The following BTBD9 variants were observed in gnomAD, a reference collection of about 807,000 sequenced individuals.
BTBD9 encodes the protein BTB/POZ domain-containing protein 9.
In BTBD9, 49 loss-of-function variants were observed where a neutral mutation model predicts 64.3. The ratio of observed to expected loss-of-function variants is 0.76; its 90% CI spans 0.61 to 0.97. BTBD9 has a LOEUF of 0.97. Among genes scored for constraint, BTBD9 ranks in the 50% least tolerant of loss-of-function variants. BTBD9 has a pLI of 0.00. For missense variants in BTBD9, 598 were observed against 762.1 expected, an observed-to-expected ratio of 0.78 and a Z score of 2.53; for synonymous variants, 260 against 274.7, an observed-to-expected ratio of 0.95 and a Z score of 0.53.
chr6:38,220,351 T>C (rs1763159064), intron 9 of BTBD9, among the ~76,000 whole-genome samples: 1 of 152,248 alleles, frequency 6.6e-6, no homozygotes, highest in Non-Finnish European at 1.5e-5. Context: ...AGCTACTGAT[T>C]CACTTTGGCA....
intron 6 of BTBD9, among the ~76,000 whole-genome samples, chr6:38,352,409 T>C (rs1362717537): frequency 6.6e-6 from 1 of 150,988 alleles, no homozygotes; most frequent in African/African-American, 2.4e-5. Flanking sequence ...TACTAAATAA[T>C]GCTAAGCCCC....
At chr6:38,223,566 G>A (rs150964367) in intron 9 of BTBD9, among the ~76,000 whole-genome samples, 23 of 152,146 alleles carry the variant, frequency 1.5e-4, no homozygotes, top group African/African-American at 3.4e-4. Flanking sequence ...TCGAATTCCC[G>A]GCCTCGAGTG....
intron 6 of BTBD9, among the ~76,000 whole-genome samples, chr6:38,369,586 C>T (rs1166808990): frequency 6.6e-6 from 1 of 152,162 alleles, no homozygotes; most frequent in Non-Finnish European, 1.5e-5. Context: ...CTCTCGTGAA[C>T]AAAACTTCTC....
At chr6:38,347,690 G>A (rs1764337446) in intron 6 of BTBD9, among the ~76,000 whole-genome samples, 1 of 152,166 alleles carries the variant, frequency 6.6e-6, no homozygotes, top group Admixed American at 6.5e-5. Flanking sequence ...ACTGGTAGGA[G>A]CAGCCTGAAG....
chr6:38,416,473 T>C (rs1388122814), intron 6 of BTBD9, among the ~76,000 whole-genome samples: 1 of 149,984 alleles, frequency 6.7e-6, no homozygotes, highest in Non-Finnish European at 1.5e-5. Flanking sequence ...TATCTGGGAC[T>C]ACAGGTGCCC....
intron 6 of BTBD9, among the ~76,000 whole-genome samples, chr6:38,372,897 C>G (rs959845106): frequency 3.3e-5 from 5 of 152,176 alleles, no homozygotes; most frequent in African/African-American, 1.2e-4. Context: ...CTTGGCTGGA[C>G]TTATTTTTGC....
chr6:38,391,778 T>C (rs1343125190), intron 6 of BTBD9, among the ~76,000 whole-genome samples: 1 of 151,982 alleles, frequency 6.6e-6, no homozygotes, highest in Non-Finnish European at 1.5e-5. Flanking sequence ...AGCAAGAAAA[T>C]GAAGTAAAGC....
At position 38,171,541 on chromosome 6, in the gene BTBD9, A is replaced by T. The variant is rs2127465677; in HGVS notation, c.*3444T>A. The T allele has an allele frequency of 6.7e-6, 1 of 148,306 alleles. No individual in the cohort carries two copies. Among genetic ancestry groups the T allele is most frequent in the South Asian group, 2.2e-4 (1 of 4,612 alleles). 9.2% of individuals were successfully genotyped at this position (148,306 alleles called of 1,614,324 possible). On this transcript the variant is annotated 3_prime_UTR_variant, in exon 11 of 11. Coordinates refer to ENST00000481247, the MANE Select transcript of BTBD9 (RefSeq NM_001099272.2). The stretch of plus-strand genomic sequence containing the variant: ...GAATGAAAGCAGAAAAAGCACTGAG[A>T]AAATGGTAAAACGGGTGTGTGTGTG...
At chr6:38,272,412 A>G (rs1765227809) in intron 8 of BTBD9, among the ~76,000 whole-genome samples, 1 of 152,170 alleles carries the variant, frequency 6.6e-6, no homozygotes, top group African/African-American at 2.4e-5. Flanking sequence ...TATAAAAAGC[A>G]TTTTACAAGA....
chr6:38,606,284 C>T (rs538974078), intron 1 of BTBD9, among the ~76,000 whole-genome samples: 19 of 152,132 alleles, frequency 1.2e-4, no homozygotes, highest in African/African-American at 4.3e-4. Flanking sequence ...CCTTAATAAA[C>T]TCCCCTTCAT....
chr6:38,485,413 G>T (rs928861145), intron 6 of BTBD9, among the ~76,000 whole-genome samples: 1 of 152,222 alleles, frequency 6.6e-6, no homozygotes, highest in Non-Finnish European at 1.5e-5. Flanking sequence ...ATAAGCTATA[G>T]CCTTACAAAA....
rs183184121 is a variant in BTBD9, at chr6:38,594,661, T to A, written c.186-334A>T. On this transcript the variant is annotated intron_variant, in intron 2 of 10. Transcript: ENST00000481247. ...AAGATGTTAAAGGTCAATAAGGCAA[T>A]TTAAAAAGTAAAACTCTATAGGAAA... Among the ~76,000 whole-genome samples, 461 of 152,312 alleles carry A rather than the reference T, an allele frequency of 3.0e-3. 4 individuals are homozygous for A. Among genetic ancestry groups the A allele is most frequent in the African/African-American group, 0.011 (440 of 41,564 alleles).
intron 6 of BTBD9, among the ~76,000 whole-genome samples, chr6:38,536,022 C>T (rs990618427): frequency 6.7e-6 from 1 of 149,370 alleles, no homozygotes; most frequent in Non-Finnish European, 1.5e-5. Flanking sequence ...AAAGCTTCTG[C>T]ACAGCAAAAG....
chr6:38,213,918 C>T (rs2395696), intron 9 of BTBD9, among the ~76,000 whole-genome samples: 120,963 of 151,594 alleles, frequency 0.8, 48,403 homozygotes, highest in East Asian at 0.95. Context: ...ATGGCATGAA[C>T]CCAGGAGGCG....
chr6:38,471,318 T>C (rs1206457854), intron 6 of BTBD9, among the ~76,000 whole-genome samples: 1 of 152,166 alleles, frequency 6.6e-6, no homozygotes, highest in African/African-American at 2.4e-5. Context: ...TACTAGGTGG[T>C]ACTCGGCAGT....
chr6:38,559,638 A>G (rs1047596542), intron 6 of BTBD9, among the ~76,000 whole-genome samples: 3 of 152,220 alleles, frequency 2.0e-5, no homozygotes, highest in Non-Finnish European at 4.4e-5. Context: ...CTAAGCAAAA[A>G]GAACAAAGCT....
intron 6 of BTBD9, among the ~76,000 whole-genome samples, chr6:38,560,972 C>T (rs752048460): frequency 4.6e-5 from 7 of 152,130 alleles, no homozygotes; most frequent in Non-Finnish European, 7.4e-5. Context: ...TTTTCTTTAT[C>T]CAGTCTACCA....
chr6:38,503,328 G>A (rs1772301422), intron 6 of BTBD9, among the ~76,000 whole-genome samples: 1 of 151,922 alleles, frequency 6.6e-6, no homozygotes, highest in Non-Finnish European at 1.5e-5. Flanking sequence ...TTCTCTCCAG[G>A]AGACGGCCCA....
chr6:38,467,214 A>C (rs1770434948), intron 6 of BTBD9, among the ~76,000 whole-genome samples: 1 of 152,252 alleles, frequency 6.6e-6, no homozygotes, highest in African/African-American at 2.4e-5. Context: ...AGAATGCCAT[A>C]GAAAAGGATC....
Sources: gnomAD v4.1 joint callset for allele counts (sites outside exome capture counted in the v4.1 genomes callset) on GRCh38, gnomAD v4.1.1 for gene constraint, MANE v1.5 for transcripts, NCBI Gene and HGNC (gene_info 2026-07-23, HGNC 2026-07-21) for gene names.